The following GABRB1 variants were observed in gnomAD, a reference collection of about 807,000 sequenced individuals.
GABRB1 encodes gamma-aminobutyric acid type A receptor subunit beta1, also known as gamma-aminobutyric acid receptor subunit beta-1.
In GABRB1, 17 loss-of-function variants were observed where a neutral mutation model predicts 51.6. The observed-to-expected ratio is 0.33, with a 90% CI of 0.23 to 0.49. The LOEUF (loss-of-function observed/expected upper bound fraction) is 0.49, where lower values mean the gene tolerates loss of function less well. Among genes scored for constraint, GABRB1 ranks in the 20% least tolerant of loss-of-function variants. GABRB1 has a pLI of 0.99. For missense variants in GABRB1, 410 were observed against 600.6 expected (o/e 0.68, Z 3.32); for synonymous variants, 247 against 218.9 (o/e 1.13, Z -1.14).
At chr4:47,118,904 T>C (rs1395729797) in intron 3 of GABRB1, among the ~76,000 whole-genome samples, 1 of 152,116 alleles carries the variant, frequency 6.6e-6, no homozygotes, top group Non-Finnish European at 1.5e-5. Flanking sequence ...TCATATACAC[T>C]GAAATATTTG....
intron 3 of GABRB1, among the ~76,000 whole-genome samples, chr4:47,063,132 C>T (rs1726912841): frequency 6.6e-6 from 1 of 152,120 alleles, no homozygotes; most frequent in African/African-American, 2.4e-5. Context: ...TCCCCAAGCT[C>T]GTCTCTCACC....
At chr4:47,170,744 A>T (rs1469999988) in intron 4 of GABRB1, among the ~76,000 whole-genome samples, 1 of 152,192 alleles carries the variant, frequency 6.6e-6, no homozygotes, top group Non-Finnish European at 1.5e-5. Flanking sequence ...TTTCAAATGG[A>T]AGAGAGAAAC....
At chr4:47,158,131 A>G (rs1717780251) in intron 3 of GABRB1, among the ~76,000 whole-genome samples, 1 of 152,152 alleles carries the variant, frequency 6.6e-6, no homozygotes, top group Non-Finnish European at 1.5e-5. Context: ...CTATACCCAT[A>G]CACGCACACA....
At chr4:47,374,550 T>C (rs907848354) in intron 5 of GABRB1, among the ~76,000 whole-genome samples, 5 of 152,194 alleles carry the variant, frequency 3.3e-5, no homozygotes, top group Non-Finnish European at 7.3e-5. Flanking sequence ...GAACTTGCAG[T>C]TGGACCATTT....
chr4:47,107,295 C>T (rs1018231232), intron 3 of GABRB1, among the ~76,000 whole-genome samples: 9 of 151,996 alleles, frequency 5.9e-5, no homozygotes, highest in Non-Finnish European at 7.4e-5. Context: ...AAAAAGGGAT[C>T]GAGCCTCTGG....
chr4:47,350,398 C>A (rs1726284214), intron 5 of GABRB1, among the ~76,000 whole-genome samples: 1 of 151,258 alleles, frequency 6.6e-6, no homozygotes, highest in Admixed American at 6.6e-5. Context: ...GCACTACTAA[C>A]AAACTCCCCT....
chr4:47,036,268 A>G (rs1163004419), intron 3 of GABRB1, among the ~76,000 whole-genome samples: 1 of 152,218 alleles, frequency 6.6e-6, no homozygotes, highest in African/African-American at 2.4e-5. Flanking sequence ...GGTTATTTTA[A>G]TATTAGACTC....
intron 3 of GABRB1, among the ~76,000 whole-genome samples, chr4:47,155,654 C>A (rs1717656763): frequency 6.6e-6 from 1 of 151,732 alleles, no homozygotes; most frequent in African/African-American, 2.4e-5. Context: ...AAAACACATA[C>A]CTCAACATAT....
chr4:47,001,297 C>T (rs1054957014), intron 1 of GABRB1, among the ~76,000 whole-genome samples: 40 of 152,080 alleles, frequency 2.6e-4, no homozygotes, highest in South Asian at 4.2e-4. Context: ...CGCCCCCCAC[C>T]ACGCCCAGCT....
intron 4 of GABRB1, among the ~76,000 whole-genome samples, chr4:47,261,501 C>T (rs1227481336): frequency 2.0e-5 from 3 of 152,136 alleles, no homozygotes; most frequent in Non-Finnish European, 4.4e-5. Context: ...GGAAGGACCT[C>T]TTCAAGGAGA....
intron 4 of GABRB1, among the ~76,000 whole-genome samples, chr4:47,209,280 A>G (rs1720259359): frequency 6.6e-6 from 1 of 152,058 alleles, no homozygotes; most frequent in Non-Finnish European, 1.5e-5. Flanking sequence ...TCATTATTAG[A>G]TTGTTTTCAA....
intron 3 of GABRB1, among the ~76,000 whole-genome samples, chr4:47,128,092 G>C (rs550841112): frequency 4.0e-5 from 6 of 151,662 alleles, no homozygotes; most frequent in East Asian, 3.9e-4. Flanking sequence ...ATGCCCATAA[G>C]AAATCCATTT....
At chr4:47,198,565 T>G (rs753671691) in intron 4 of GABRB1, among the ~76,000 whole-genome samples, 2 of 152,106 alleles carry the variant, frequency 1.3e-5, no homozygotes, top group Non-Finnish European at 2.9e-5. Context: ...ATATGGATGT[T>G]AAAAGTGCTA....
intron 3 of GABRB1, among the ~76,000 whole-genome samples, chr4:47,151,370 A>G (rs953748357): frequency 6.6e-6 from 1 of 152,062 alleles, no homozygotes; most frequent in Non-Finnish European, 1.5e-5. Flanking sequence ...ATCACAAATC[A>G]TAAGACTGCC....
intron 3 of GABRB1, among the ~76,000 whole-genome samples, chr4:47,107,169 G>T (rs1336842042): frequency 6.6e-6 from 1 of 152,006 alleles, no homozygotes; most frequent in African/African-American, 2.4e-5. Flanking sequence ...TTGGATCAAG[G>T]ACATCAGCTC....
chr4:47,327,561 C>T (rs1457033835), intron 5 of GABRB1, among the ~76,000 whole-genome samples: 1 of 152,094 alleles, frequency 6.6e-6, no homozygotes, highest in Non-Finnish European at 1.5e-5. Context: ...AGTTTTCAGA[C>T]AAAGGTAACA....
upstream of GABRB1, among the ~76,000 whole-genome samples, chr4:47,027,105 A>G (rs1208361198): frequency 1.3e-5 from 2 of 151,640 alleles, no homozygotes; most frequent in African/African-American, 4.8e-5. Context: ...TATTAATGCA[A>G]TGGTAACATT....
intron 4 of GABRB1, among the ~76,000 whole-genome samples, chr4:47,164,174 A>G (rs1308265504): frequency 6.6e-6 from 1 of 151,968 alleles, no homozygotes; most frequent in African/African-American, 2.4e-5. Context: ...ACACCTGGGG[A>G]TTACAATTTG....
chr4:47,064,594 C>A (rs972589766), intron 3 of GABRB1, among the ~76,000 whole-genome samples: 1 of 142,348 alleles, frequency 7.0e-6, no homozygotes, highest in East Asian at 2.0e-4. Flanking sequence ...GTCAAGATCG[C>A]GCCATTGCAC....
Sources: gnomAD v4.1 joint callset for allele counts (sites outside exome capture counted in the v4.1 genomes callset) on GRCh38, gnomAD v4.1.1 for gene constraint, MANE v1.5 for transcripts, NCBI Gene and HGNC (gene_info 2026-07-23, HGNC 2026-07-21) for gene names.